CDK6: variants seen among roughly 807,000 people sequenced by gnomAD.
The protein encoded by CDK6 is cyclin-dependent kinase 6.
Under a neutral mutation model 37.1 loss-of-function variants are expected in CDK6, and 6 were observed. The observed-to-expected ratio is 0.16, with a 90% CI of 0.09 to 0.32. The LOEUF (loss-of-function observed/expected upper bound fraction) is 0.32, where lower values mean the gene tolerates loss of function less well. Among genes scored for constraint, CDK6 ranks in the 10% least tolerant of loss-of-function variants. The pLI is 1.00. For synonymous variants in CDK6, 160 were observed against 161.3 expected, an observed-to-expected ratio of 0.99 and a Z score of 0.06; for missense variants, 224 against 418.9, an observed-to-expected ratio of 0.53 and a Z score of 4.06.
chr7:92,819,906 A>G (rs191326067), intron 2 of CDK6, among the ~76,000 whole-genome samples: 175 of 152,172 alleles, frequency 1.2e-3, no homozygotes, highest in Non-Finnish European at 1.7e-3. Context: ...AGACACAGAG[A>G]TCCCAACTGC....
At position 92,662,330 on chromosome 7, in the gene CDK6, G is replaced by A. The variant is rs138189905; in HGVS notation, c.647+9096C>T. Among the ~76,000 whole-genome samples, 1,071 of 152,234 alleles carry A rather than the reference G, an allele frequency of 7.0e-3. 5 individuals carry two copies. Among genetic ancestry groups the A allele is most frequent in the Middle Eastern group, 0.014 (4 of 294 alleles). ...TGTTGGGTTGGGGGTGTGGAAGTAG[G>A]TTGGGGCTTAAGGATCGTGGGGATG... On this transcript the variant is annotated intron_variant, in intron 5 of 7. Coordinates refer to ENST00000424848, the MANE Select transcript of CDK6 (RefSeq NM_001145306.2).
intron 3 of CDK6, among the ~76,000 whole-genome samples, chr7:92,757,463 G>A (rs1016845313): frequency 6.6e-6 from 1 of 152,176 alleles, no homozygotes; most frequent in Non-Finnish European, 1.5e-5. Context: ...TTCTATCCAT[G>A]TTCCTGCAAA....
At chr7:92,774,674 A>T (rs762766020) in intron 3 of CDK6, 22 bp downstream of exon 3, 4 of 1,577,466 alleles carry the variant, frequency 2.5e-6, no homozygotes, top group South Asian at 1.2e-5. Flanking sequence ...GCCTGATAAG[A>T]CATGAAGATG....
intron 5 of CDK6, 116 bp from the exon 6 acceptor site, chr7:92,623,202 G>A (rs1795844003): frequency 1.4e-6 from 1 of 710,294 alleles, no homozygotes; most frequent in Admixed American, 2.8e-5. Context: ...TTGGGAAGAA[G>A]TAAAAAAAAT....
intron 2 of CDK6, among the ~76,000 whole-genome samples, chr7:92,799,689 T>A (rs1800519155): frequency 6.6e-6 from 1 of 152,164 alleles, no homozygotes; most frequent in Non-Finnish European, 1.5e-5. Flanking sequence ...AGTCATGTGC[T>A]CAGTAACCAC....
chr7:92,744,873 T>C (rs1008510803), intron 3 of CDK6, among the ~76,000 whole-genome samples: 2 of 152,150 alleles, frequency 1.3e-5, no homozygotes, highest in Non-Finnish European at 2.9e-5. Flanking sequence ...CCTTTCACTC[T>C]ATAGTACACT....
chr7:92,759,962 C>A (rs924189079), intron 3 of CDK6, among the ~76,000 whole-genome samples: 1 of 152,152 alleles, frequency 6.6e-6, no homozygotes, highest in Non-Finnish European at 1.5e-5. Flanking sequence ...AACACTGCTT[C>A]ATTAAACCAA....
chr7:92,704,759 T>C (rs772175098), intron 4 of CDK6, among the ~76,000 whole-genome samples: 16 of 152,176 alleles, frequency 1.1e-4, no homozygotes, highest in Non-Finnish European at 2.1e-4. Context: ...GTTGGGTTGT[T>C]TGGAGTGTTG....
At chr7:92,733,727 T>C (rs893536532) in intron 3 of CDK6, among the ~76,000 whole-genome samples, 1 of 152,224 alleles carries the variant, frequency 6.6e-6, no homozygotes, top group Non-Finnish European at 1.5e-5. Context: ...TCTGGACTTT[T>C]GCTCTTTGTT....
chr7:92,653,466 C>A (rs1796621142), intron 5 of CDK6, among the ~76,000 whole-genome samples: 1 of 152,138 alleles, frequency 6.6e-6, no homozygotes, highest in Non-Finnish European at 1.5e-5. Flanking sequence ...TTGAAGATGC[C>A]AAGACATAGA....
At chr7:92,806,185 C>T (rs951709733) in intron 2 of CDK6, among the ~76,000 whole-genome samples, 1 of 152,132 alleles carries the variant, frequency 6.6e-6, no homozygotes, top group African/African-American at 2.4e-5. Context: ...TTGAAATACA[C>T]TGTCTACAGA....
At chr7:92,679,207 C>T (rs186672380) in intron 4 of CDK6, among the ~76,000 whole-genome samples, 3 of 152,248 alleles carry the variant, frequency 2.0e-5, no homozygotes, top group Admixed American at 6.5e-5. Flanking sequence ...GAGAAACCAG[C>T]GTGGGTGGCA....
At chr7:92,819,464 G>A (rs1416976185) in intron 2 of CDK6, among the ~76,000 whole-genome samples, 1 of 151,988 alleles carries the variant, frequency 6.6e-6, no homozygotes, top group Non-Finnish European at 1.5e-5. Context: ...TGGTTAGTAG[G>A]TGAATAAATT....
intron 2 of CDK6, among the ~76,000 whole-genome samples, chr7:92,806,363 A>C (rs897620982): frequency 2.0e-5 from 3 of 152,164 alleles, no homozygotes; most frequent in African/African-American, 7.2e-5. Flanking sequence ...ACAATTGTAG[A>C]TTCTGAAGTG....
rs905447087 is a variant in CDK6, at chr7:92,833,433, C to T, written c.-110G>A. 3 of 738,874 alleles carry T rather than the reference C, an allele frequency of 4.1e-6. No individual in the cohort carries two copies. The African/African-American group carries it at 5.6e-5, about 14-fold the overall frequency. The allele number at this position is 738,874 out of a possible 1,614,324, so 45.8% of individuals were successfully genotyped here. A position where few individuals can be genotyped will look rare whatever the true frequency, so the allele number is the denominator to read the frequency against. On this transcript the variant is annotated 5_prime_UTR_variant, in exon 2 of 8. Transcript: ENST00000424848. This position sits in a 1 kb window ranked among gnomAD's most constrained non-coding sequence, Gnocchi z 6.1. ...CGGGGCTCCCCGGAGATCGGTCTAG[C>T]TTTACTTGCTCCCCGCCGGCTCAGG...
intron 4 of CDK6, among the ~76,000 whole-genome samples, chr7:92,697,154 C>G (rs2282990): frequency 2.0e-5 from 3 of 152,140 alleles, no homozygotes; most frequent in Admixed American, 6.5e-5. Flanking sequence ...TTCAGCTTCT[C>G]GAAGAATGCT....
In CDK6 at chr7:92,618,579, C is replaced by T. The variant is rs563942781; in HGVS notation, c.699-372G>A. 8.5e-5 allele frequency among the ~76,000 whole-genome samples: 13 copies of T among 152,312 alleles called. No homozygotes were observed. The South Asian group carries it at 2.7e-3, about 32-fold the overall frequency. Reference sequence around the variant, plus strand: ...GGAGACCCATACTGGTACATATCTTCCTTTATGTCCAAGAATGCTTTTTGT... The same window carrying T: ...GGAGACCCATACTGGTACATATCTTTCTTTATGTCCAAGAATGCTTTTTGT... On this transcript the variant is annotated intron_variant, in intron 6 of 7. Transcript: ENST00000424848.
intron 2 of CDK6, among the ~76,000 whole-genome samples, chr7:92,784,319 C>A (rs1800068904): frequency 6.6e-6 from 1 of 152,048 alleles, no homozygotes; most frequent in Admixed American, 6.6e-5. Context: ...GAGTCCAGTT[C>A]CAATACAAAA....
At chr7:92,626,149 C>T (rs184449739) in intron 5 of CDK6, among the ~76,000 whole-genome samples, 2 of 151,970 alleles carry the variant, frequency 1.3e-5, no homozygotes, top group Non-Finnish European at 2.9e-5. Context: ...ACTTAGTACA[C>T]ACTAATTGAC....
Sources: gnomAD v4.1 joint callset for allele counts (sites outside exome capture counted in the v4.1 genomes callset) on GRCh38, gnomAD v4.1.1 for gene constraint, Gnocchi (gnomAD v3.1) non-coding constraint, MANE v1.5 for transcripts, NCBI Gene and HGNC (gene_info 2026-07-23, HGNC 2026-07-21) for gene names.